The following FAM169A variants were observed in gnomAD, a reference collection of about 807,000 sequenced individuals.
FAM169A encodes family with sequence similarity 169 member A, also known as soluble lamin-associated protein of 75 kDa.
A neutral mutation model predicts 75.7 loss-of-function variants in FAM169A; 24 were observed. The observed-to-expected ratio is 0.32, with a 90% CI of 0.23 to 0.45. The LOEUF (loss-of-function observed/expected upper bound fraction) is 0.45. Ranked by LOEUF, FAM169A falls within the 20% of genes least tolerant of loss-of-function variation. The pLI is 1.00. For missense variants in FAM169A, 673 were observed against 784.0 expected (o/e 0.86, Z 1.69); for synonymous variants, 271 against 271.0 (o/e 1.00, Z 0.00).
At chr5:74,864,080 C>T (rs1479543519) in intron 1 of FAM169A, among the ~76,000 whole-genome samples, 1 of 152,148 alleles carries the variant, frequency 6.6e-6, no homozygotes, top group African/African-American at 2.4e-5. Context: ...AGGGATGGTA[C>T]ACAATATGTA....
At chr5:74,845,095 A>G (rs1233771344) in intron 1 of FAM169A, among the ~76,000 whole-genome samples, 1 of 152,212 alleles carries the variant, frequency 6.6e-6, no homozygotes, top group African/African-American at 2.4e-5. Context: ...AACACCAAAA[A>G]AAGAGATAGG....
At chr5:74,789,511 A>C (rs1043239191) in intron 11 of FAM169A, among the ~76,000 whole-genome samples, 2 of 152,238 alleles carry the variant, frequency 1.3e-5, no homozygotes, top group African/African-American at 4.8e-5. Context: ...GTGACCCAAA[A>C]GGCTGCCAGT....
chr5:74,796,673 G>C (rs996846270), intron 10 of FAM169A, among the ~76,000 whole-genome samples: 1 of 151,252 alleles, frequency 6.6e-6, no homozygotes, highest in South Asian at 2.1e-4. Context: ...CAAAGTGCTG[G>C]GATTACAGGT....
At chr5:74,844,605 G>A (rs1401862529) in intron 1 of FAM169A, among the ~76,000 whole-genome samples, 1 of 152,120 alleles carries the variant, frequency 6.6e-6, no homozygotes, top group Non-Finnish European at 1.5e-5. Context: ...GGATCACAAG[G>A]TCAGGAGATG....
At chr5:74,810,802 CTT>C (rs1216333986) in intron 6 of FAM169A, among the ~76,000 whole-genome samples, 1 of 123,786 alleles carries the variant, frequency 8.1e-6, no homozygotes, top group Non-Finnish European at 1.7e-5. Context: ...TAAATTATAA[CTT>C]AATAGATATT....
chr5:74,853,692 A>ATCT (rs1749559992), intron 1 of FAM169A, among the ~76,000 whole-genome samples: 2 of 148,754 alleles, frequency 1.3e-5, no homozygotes, highest in South Asian at 4.2e-4. Context: ...ACTGTGACCC[A>ATCT]TCTTCAGAAT....
chr5:74,816,634 G>A (rs539274150), intron 5 of FAM169A, among the ~76,000 whole-genome samples: 142 of 152,196 alleles, frequency 9.3e-4, no homozygotes, highest in Non-Finnish European at 9.0e-4. Flanking sequence ...CAAATAAAGA[G>A]CAGAAAAACT....
intron 11 of FAM169A, among the ~76,000 whole-genome samples, chr5:74,786,187 T>C (rs1745686374): frequency 6.6e-6 from 1 of 152,204 alleles, no homozygotes; most frequent in Non-Finnish European, 1.5e-5. Flanking sequence ...ACTGGCTTCC[T>C]TGCTCCTCAG....
At chr5:74,804,810 G>A (rs868357933) in intron 7 of FAM169A, among the ~76,000 whole-genome samples, 1 of 152,154 alleles carries the variant, frequency 6.6e-6, no homozygotes, top group African/African-American at 2.4e-5. Flanking sequence ...TAAGTATTTA[G>A]TAGCTTTGGG....
In FAM169A at chr5:74,781,749, C is replaced by T; in HGVS notation, c.1724G>A (p.Gly575Glu). ...AGATGTTTCCTGGGGCTCAGATACC[C>T]CCTCCTCACCCTGGTCTTCCAATGA... ...TSSLEDQGEE[G>E]VSEPQETSTA... Residue 575 changes from glycine (G) to glutamate (E), a missense_variant, in exon 13 of 13, where the codon GGG (glycine) becomes GAG (glutamate). Coordinates refer to ENST00000687041, the MANE Select transcript of FAM169A (RefSeq NM_001376049.1). 1 of 1,614,064 alleles carries T rather than the reference C, an allele frequency of 6.2e-7. No individual in the cohort carries two copies. The highest frequency in any genetic ancestry group is 1.3e-5 in the African/African-American group (1 of 75,034).
chr5:74,813,621 C>T (rs951970845), intron 6 of FAM169A, among the ~76,000 whole-genome samples: 2 of 151,996 alleles, frequency 1.3e-5, no homozygotes, highest in Non-Finnish European at 2.9e-5. Context: ...CCACTGTGCC[C>T]GGCAATTGTA....
chr5:74,799,991 TGAG>T lies in FAM169A; in HGVS notation c.1103+886_1103+888del, dbSNP rs1490682249. ...ATAGCATCACTCAAGTCTCTATTTA[TGAG>T]GTGGATGAGAAAGATTGTCGCAAAT... On this transcript the variant is annotated intron_variant, in intron 10 of 12. Coordinates refer to ENST00000687041, the MANE Select transcript of FAM169A (RefSeq NM_001376049.1). 6.4e-6 allele frequency: 5 copies of T among 784,298 alleles called. No individual in the cohort carries two copies. In the African/African-American group the frequency reaches 8.4e-5, roughly 13 times the overall value. 48.6% of individuals were successfully genotyped at this position (784,298 alleles called of 1,614,324 possible).
At chr5:74,830,553 G>A (rs1185414597) in intron 5 of FAM169A, among the ~76,000 whole-genome samples, 3 of 152,118 alleles carry the variant, frequency 2.0e-5, no homozygotes, top group African/African-American at 4.8e-5. Context: ...ACAATGCAAC[G>A]GGTGTTTACT....
At chr5:74,801,413 T>C (rs1746570503) in intron 9 of FAM169A, among the ~76,000 whole-genome samples, 177 bp downstream of exon 9, 1 of 152,166 alleles carries the variant, frequency 6.6e-6, no homozygotes, top group African/African-American at 2.4e-5. Context: ...TACTCAGTGT[T>C]CACATAGCAA....
rs1362462194 is a variant in FAM169A at position 74,781,472 on chromosome 5, A to G, written c.2001T>C (p.Ala667=). Residue 667 remains alanine (A), a synonymous_variant, in exon 13 of 13, where the codon GCT becomes GCC. Transcript: ENST00000687041. ...KGHKGPAKKK[A]KLT is the part of the protein sequence containing the mutation. Reference sequence around the variant, plus strand: ...CTTTCTTCTTCCTTCAGGTCAGCTTAGCTTTCTTCTTAGCAGGTCCTTTAT... The same window carrying G: ...CTTTCTTCTTCCTTCAGGTCAGCTTGGCTTTCTTCTTAGCAGGTCCTTTAT... The G allele has an allele frequency of 6.2e-7, 1 of 1,613,430 alleles. No individual in the cohort carries two copies. The highest frequency in any genetic ancestry group is 8.5e-7 in the Non-Finnish European group (1 of 1,179,614).
chr5:74,784,312 C>T (rs2112459682), intron 11 of FAM169A, among the ~76,000 whole-genome samples: 1 of 151,770 alleles, frequency 6.6e-6, no homozygotes, highest in East Asian at 1.9e-4. Flanking sequence ...AAACAAGAAA[C>T]CAGCATGGCC....
chr5:74,804,684 A>G (rs1746771328), intron 7 of FAM169A, 79 bp from the exon 8 acceptor site: 1 of 765,764 alleles, frequency 1.3e-6, no homozygotes, highest in African/African-American at 1.8e-5. Flanking sequence ...ATTTTCCTAA[A>G]AGCTCTGAAG....
In FAM169A at chr5:74,781,670, A is replaced by G. The variant is rs764887237; in HGVS notation, c.1803T>C (p.Phe601=). 5 of 1,614,202 alleles carry G rather than the reference A, an allele frequency of 3.1e-6. No homozygotes were observed. In the Admixed American group the frequency reaches 8.3e-5, roughly 27 times the overall value. ...GATTCTTCTGTCCTGCATTCTGTGA[A>G]AATGGCACGTCTTCAAGTTCAACCT... The part of the protein sequence containing the change: ...LIEVELEDVP[F]SQNAGQKNQS... Residue 601 remains phenylalanine, a synonymous_variant, in exon 13 of 13, where the codon TTT becomes TTC. Transcript: ENST00000687041.
chr5:74,830,784 A>C (rs1235935651), intron 5 of FAM169A, among the ~76,000 whole-genome samples: 1 of 152,198 alleles, frequency 6.6e-6, no homozygotes, highest in Admixed American at 6.5e-5. Flanking sequence ...TAACCTACTA[A>C]GAATAAATCA....
Sources: gnomAD v4.1 joint callset for allele counts (sites outside exome capture counted in the v4.1 genomes callset) on GRCh38, gnomAD v4.1.1 for gene constraint, MANE v1.5 for transcripts, NCBI Gene and HGNC (gene_info 2026-07-23, HGNC 2026-07-21) for gene names.